Variants in TFDP2 observed in about 807,000 individuals in gnomAD.
TFDP2 encodes transcription factor Dp-2 (E2F dimerization partner 2).
A neutral mutation model predicts 59.3 loss-of-function variants in TFDP2; 17 were observed. That is an observed-to-expected ratio of 0.29 (90% CI 0.20 to 0.43). The LOEUF is 0.43. Ranked by LOEUF, TFDP2 falls within the 20% of genes least tolerant of loss-of-function variation. The probability of loss-of-function intolerance (pLI) is 1.00; values close to 1 mark genes in which losing one functional copy is unlikely to be tolerated. For synonymous variants in TFDP2, 180 were observed against 194.7 expected (o/e 0.92, Z 0.63); for missense variants, 391 against 528.8 (o/e 0.74, Z 2.56).
intron 11 of TFDP2, among the ~76,000 whole-genome samples, chr3:141,953,882 T>C (rs962038697): frequency 6.1e-5 from 9 of 147,882 alleles, no homozygotes; most frequent in African/African-American, 1.5e-4. Flanking sequence ...CTACAGAAAA[T>C]AGTTTGGGCT....
At position 142,001,412 on chromosome 3, in the gene TFDP2, CCT is replaced by C. The variant is rs553005236; in HGVS notation, c.186+4027_186+4028del. On this transcript the variant is annotated intron_variant, in intron 4 of 12. Coordinates refer to ENST00000489671, the MANE Select transcript of TFDP2 (RefSeq NM_001178139.2). Reference sequence around the variant, plus strand: ...CAGGGTTTCATTAGCGCCTGAAGCCCCTCTTTTGATAGTTCTGTCCCCCATGC... The same window carrying C: ...CAGGGTTTCATTAGCGCCTGAAGCCCCTTTTGATAGTTCTGTCCCCCATGC... Among the ~76,000 whole-genome samples, 212 of 152,278 alleles carry C rather than the reference CCT, an allele frequency of 1.4e-3. 2 individuals are homozygous for C. The highest frequency in any genetic ancestry group is 1.2e-3 in the South Asian group (6 of 4,832).
intron 7 of TFDP2, among the ~76,000 whole-genome samples, chr3:141,975,899 G>T (rs1037087136): frequency 6.6e-6 from 1 of 151,976 alleles, no homozygotes; most frequent in African/African-American, 2.4e-5. Context: ...CTATTTTTCC[G>T]AGACAGAGTC....
At chr3:142,148,004 G>A (rs537290271) in intron 1 of TFDP2, among the ~76,000 whole-genome samples, 1 of 151,328 alleles carries the variant, frequency 6.6e-6, no homozygotes, top group South Asian at 2.1e-4. Flanking sequence ...ACAGGGACAT[G>A]ATTATGCCAT....
At chr3:141,965,812 T>C (rs377182176) in intron 9 of TFDP2, among the ~76,000 whole-genome samples, 1 of 151,962 alleles carries the variant, frequency 6.6e-6, no homozygotes, top group African/African-American at 2.4e-5. Context: ...ATTATTGAGG[T>C]TACATTTCAT....
At chr3:142,006,028 C>T (rs1944180743) in intron 3 of TFDP2, among the ~76,000 whole-genome samples, 1 of 152,080 alleles carries the variant, frequency 6.6e-6, no homozygotes, top group East Asian at 1.9e-4. Context: ...TATTTTCAAA[C>T]TGTCAAATTG....
chr3:142,027,757 C>A (rs957315943), intron 3 of TFDP2, among the ~76,000 whole-genome samples: 1 of 151,848 alleles, frequency 6.6e-6, no homozygotes, highest in Non-Finnish European at 1.5e-5. Flanking sequence ...TCATATATTC[C>A]GGGGTCATTA....
intron 12 of TFDP2, 50 bp downstream of exon 12, chr3:141,952,861 A>T: frequency 6.3e-7 from 1 of 1,579,418 alleles, no homozygotes; most frequent in East Asian, 2.2e-5. Context: ...CCCTACACAG[A>T]CAGTCAGGGC....
chr3:142,058,121 C>A (rs1045623795), intron 3 of TFDP2, among the ~76,000 whole-genome samples: 8 of 152,064 alleles, frequency 5.3e-5, no homozygotes, highest in African/African-American at 1.9e-4. Flanking sequence ...CCTGATTTAA[C>A]CCTTGTTTAT....
At chr3:142,055,112 C>T (rs557246196) in intron 3 of TFDP2, among the ~76,000 whole-genome samples, 2 of 152,196 alleles carry the variant, frequency 1.3e-5, no homozygotes, top group Non-Finnish European at 2.9e-5. Context: ...GCAATGCAGT[C>T]AGTCTCCTCC....
chr3:142,055,057 A>C (rs997299732), intron 3 of TFDP2, among the ~76,000 whole-genome samples: 1 of 152,228 alleles, frequency 6.6e-6, no homozygotes, highest in Non-Finnish European at 1.5e-5. Flanking sequence ...AGAGATAACT[A>C]GTTTGTGGCA....
intron 11 of TFDP2, among the ~76,000 whole-genome samples, chr3:141,958,947 CTTTTTTTTTTTT>C (rs984082447): frequency 9.6e-6 from 1 of 103,684 alleles, no homozygotes; most frequent in African/African-American, 4.0e-5. Context: ...GATGTACCTA[CTTTTTTTTTTTT>C]TTTTTTTTTT....
At chr3:142,100,427 C>T (rs998226839) in intron 2 of TFDP2, among the ~76,000 whole-genome samples, 25 of 152,250 alleles carry the variant, frequency 1.6e-4, no homozygotes, top group African/African-American at 6.0e-4. Context: ...GGCTGGAGTG[C>T]AATGGGGTAA....
chr3:142,094,553 C>A (rs748202231), intron 2 of TFDP2, among the ~76,000 whole-genome samples: 1 of 152,044 alleles, frequency 6.6e-6, no homozygotes, highest in Non-Finnish European at 1.5e-5. Context: ...GATCTGCCCA[C>A]CGTAGCTTCC....
At chr3:142,138,623 T>C (rs1221538348) in intron 1 of TFDP2, among the ~76,000 whole-genome samples, 1 of 152,254 alleles carries the variant, frequency 6.6e-6, no homozygotes, top group African/African-American at 2.4e-5. Flanking sequence ...CATTTCATTA[T>C]GTACCCAGTA....
rs564492096 is a variant in TFDP2 at position 141,951,164 on chromosome 3, T to G, written c.*1349A>C. ...AATCCACATGATTCAGGTCAAAGTT[T>G]TGGAGTTAATTCTCCCATTATTATT... On this transcript the variant is annotated 3_prime_UTR_variant, in exon 13 of 13. Coordinates refer to ENST00000489671, the MANE Select transcript of TFDP2 (RefSeq NM_001178139.2). 1 of 152,334 alleles carries G rather than the reference T, an allele frequency of 6.6e-6. No individual in the cohort carries two copies. Among genetic ancestry groups the G allele is most frequent in the Non-Finnish European group, 1.5e-5 (1 of 68,026 alleles). 9.4% of individuals were successfully genotyped at this position (152,334 alleles called of 1,614,324 possible). A position where few individuals can be genotyped will look rare whatever the true frequency, so the allele number is the denominator to read the frequency against.
Position 141,947,982 on chromosome 3 carries a change from A to C in TFDP2, c.*4531T>G, listed in dbSNP as rs914408584. The C allele has an allele frequency of 6.6e-6, 1 of 152,332 alleles. No individual in the cohort carries two copies. The highest frequency in any genetic ancestry group is 1.5e-5 in the Non-Finnish European group (1 of 68,058). 9.4% of individuals were successfully genotyped at this position (152,332 alleles called of 1,614,324 possible). A position where few individuals can be genotyped will look rare whatever the true frequency, so the allele number is the denominator to read the frequency against. ...TCAATCTGCACGTGTTCCATCTGTGATCAAGTTTCCCCAATAGGAGGAGAA... is the reference window on the plus strand; with the variant it reads ...TCAATCTGCACGTGTTCCATCTGTGCTCAAGTTTCCCCAATAGGAGGAGAA... On this transcript the variant is annotated 3_prime_UTR_variant, in exon 13 of 13. Coordinates refer to ENST00000489671, the MANE Select transcript of TFDP2 (RefSeq NM_001178139.2).
intron 9 of TFDP2, among the ~76,000 whole-genome samples, chr3:141,968,823 A>T (rs1938889069): frequency 1.3e-5 from 1 of 76,618 alleles, no homozygotes; most frequent in Admixed American, 1.9e-4. Context: ...GATATATATA[A>T]CACATATATA....
At chr3:141,986,539 G>A (rs952084001) in intron 6 of TFDP2, among the ~76,000 whole-genome samples, 3 of 152,048 alleles carry the variant, frequency 2.0e-5, no homozygotes, top group Admixed American at 1.3e-4. Flanking sequence ...TGAATACATT[G>A]CAATTCATTC....
chr3:142,024,923 G>A (rs1945951404), intron 3 of TFDP2, among the ~76,000 whole-genome samples: 1 of 152,004 alleles, frequency 6.6e-6, no homozygotes, highest in African/African-American at 2.4e-5. Flanking sequence ...GGGAGGCTGA[G>A]GCAGGAGAAT....
Sources: allele counts gnomAD v4.1 joint callset (sites outside exome capture counted in the v4.1 genomes callset), GRCh38; gene constraint gnomAD v4.1.1; transcripts MANE v1.5; gene names NCBI Gene and HGNC (gene_info 2026-07-23, HGNC 2026-07-21).